Variants in SNX29 observed in about 807,000 individuals in gnomAD.
SNX29 encodes the protein sorting nexin-29.
A neutral mutation model predicts 102.1 loss-of-function variants in SNX29; 78 were observed. The observed-to-expected ratio is 0.76, with a 90% confidence interval of 0.64 to 0.92. SNX29 has a LOEUF of 0.92. Ranked by LOEUF, SNX29 falls within the 40% of genes least tolerant of loss-of-function variation. The pLI is 0.00. For synonymous variants in SNX29, 580 were observed against 414.5 expected (o/e 1.40, Z -4.85); for missense variants, 1,280 against 1,061.7 (o/e 1.21, Z -2.86).
rs117505105 is a variant in SNX29 at position 12,199,759 on chromosome 16, A to C, written c.1678+76A>C. 6,933 of 1,209,130 alleles carry C rather than the reference A, an allele frequency of 5.7e-3. 35 individuals carry two copies. Among genetic ancestry groups the C allele is most frequent in the Middle Eastern group, 9.0e-3 (39 of 4,312 alleles). The allele number at this position is 1,209,130 out of a possible 1,614,324, so 74.9% of individuals were successfully genotyped here. ...CACCTGTACGTGGCACGCAATAGACACTCAATGTGTGACGAGTGCATATGT... is the reference window on the plus strand; with the variant it reads ...CACCTGTACGTGGCACGCAATAGACCCTCAATGTGTGACGAGTGCATATGT... On this transcript the variant is annotated intron_variant, in intron 14 of 20. Transcript: ENST00000566228.
intron 14 of SNX29, among the ~76,000 whole-genome samples, chr16:12,265,642 A>G (rs531225502): frequency 2.2e-4 from 32 of 143,184 alleles, no homozygotes; most frequent in South Asian, 1.3e-3. Context: ...GGGTGGATCA[A>G]TTGTGCCTAG....
intron 4 of SNX29, among the ~76,000 whole-genome samples, chr16:12,031,322 T>C (rs1292875360): frequency 6.6e-6 from 1 of 151,960 alleles, no homozygotes; most frequent in East Asian, 2.0e-4. Context: ...TCCACCTGCC[T>C]CAGCCTCCCA....
Position 12,568,699 on chromosome 16 carries a change from G to C in SNX29, c.*70G>C, listed in dbSNP as rs1054300963. 4 of 1,568,034 alleles carry C rather than the reference G, an allele frequency of 2.6e-6. No individual in the cohort carries two copies. Among genetic ancestry groups the C allele is most frequent in the Admixed American group, 3.6e-5 (2 of 55,740 alleles). ...GCGTCCACCCCAGCCACTGCCGCTG[G>C]CCCCTCACCTCAGCGTGACAACCAC... On this transcript the variant is annotated 3_prime_UTR_variant, in exon 21 of 21. Coordinates refer to ENST00000566228, the MANE Select transcript of SNX29 (RefSeq NM_032167.5).
chr16:12,479,933 T>C (rs2087828409), intron 19 of SNX29, among the ~76,000 whole-genome samples: 1 of 152,136 alleles, frequency 6.6e-6, no homozygotes, highest in Non-Finnish European at 1.5e-5. Context: ...CTTAACATTG[T>C]CTGGGGTGAG....
Position 12,060,692 on chromosome 16 carries a change from G to A in SNX29, c.1125-836G>A, listed in dbSNP as rs564600347. ...AGATGTAATGCAGATACTGGGGGAC[G>A]GCTATACTGCAAAAATACCTCCAGG... On this transcript the variant is annotated intron_variant, in intron 8 of 20. Coordinates refer to ENST00000566228, the MANE Select transcript of SNX29 (RefSeq NM_032167.5). The A allele has an allele frequency of 7.0e-5, 31 of 444,424 alleles. No individual in the cohort carries two copies. In the Middle Eastern group the frequency reaches 1.7e-3, roughly 24 times the overall value. 27.5% of individuals were successfully genotyped at this position (444,424 alleles called of 1,614,324 possible).
chr16:12,266,963 G>T (rs375285733), intron 14 of SNX29, among the ~76,000 whole-genome samples: 4 of 151,830 alleles, frequency 2.6e-5, no homozygotes, highest in Non-Finnish European at 4.4e-5. Context: ...GGGTTTTACC[G>T]TGTTGGCCAG....
At chr16:12,384,962 G>A (rs1383766894) in intron 16 of SNX29, among the ~76,000 whole-genome samples, 2 of 152,200 alleles carry the variant, frequency 1.3e-5, no homozygotes, top group Admixed American at 1.3e-4. Context: ...CCTGAGGTCA[G>A]GAGTTCAAGA....
intron 13 of SNX29, among the ~76,000 whole-genome samples, chr16:12,130,693 G>C (rs1027397037): frequency 6.6e-5 from 10 of 151,950 alleles, no homozygotes; most frequent in African/African-American, 2.4e-4. Flanking sequence ...CACACAAGCA[G>C]ATAGGTGTGC....
chr16:12,426,223 C>T (rs889237012), intron 18 of SNX29, among the ~76,000 whole-genome samples: 1 of 152,258 alleles, frequency 6.6e-6, no homozygotes, highest in South Asian at 2.1e-4. Flanking sequence ...ATCTGTTTCC[C>T]ACTCATGCCA....
intron 14 of SNX29, among the ~76,000 whole-genome samples, chr16:12,258,689 G>C (rs145987012): frequency 1.6e-4 from 25 of 152,256 alleles, no homozygotes; most frequent in African/African-American, 4.3e-4. Context: ...GAATTCCAGA[G>C]CCTTCTTGGA....
chr16:12,525,544 T>C (rs974896057), intron 20 of SNX29, among the ~76,000 whole-genome samples: 1 of 151,690 alleles, frequency 6.6e-6, no homozygotes, highest in Admixed American at 6.6e-5. Context: ...GTGCAAAAAT[T>C]AGCTGGGCAT....
intron 19 of SNX29, among the ~76,000 whole-genome samples, chr16:12,501,052 G>A (rs1223530205): frequency 1.3e-5 from 2 of 152,170 alleles, no homozygotes; most frequent in Non-Finnish European, 2.9e-5. Flanking sequence ...GAAGCTCCCA[G>A]CTGCAGGCAA....
intron 19 of SNX29, among the ~76,000 whole-genome samples, chr16:12,520,332 C>T (rs955731696): frequency 6.6e-6 from 1 of 152,206 alleles, no homozygotes; most frequent in Admixed American, 6.5e-5. Context: ...TTTGGGGAAG[C>T]CTGGTGTAGA....
At chr16:12,395,616 C>G (rs1224951770) in intron 16 of SNX29, among the ~76,000 whole-genome samples, 4 of 152,126 alleles carry the variant, frequency 2.6e-5, no homozygotes, top group Non-Finnish European at 4.4e-5. Flanking sequence ...TAGAGATAGC[C>G]ATGTTGCTGA....
chr16:12,279,140 T>C (rs536860251), intron 15 of SNX29, among the ~76,000 whole-genome samples: 58 of 152,320 alleles, frequency 3.8e-4, no homozygotes, highest in African/African-American at 1.3e-3. Context: ...ACATGCTAAG[T>C]ATACAAGCAA....
intron 13 of SNX29, among the ~76,000 whole-genome samples, chr16:12,189,292 G>A (rs938773564): frequency 6.6e-6 from 1 of 152,092 alleles, no homozygotes; most frequent in Non-Finnish European, 1.5e-5. Context: ...GTCTTTTCTT[G>A]CAAAATGGTT....
intron 16 of SNX29, among the ~76,000 whole-genome samples, chr16:12,381,764 A>G (rs539623149): frequency 1.8e-3 from 131 of 73,806 alleles, no homozygotes; most frequent in African/African-American, 7.6e-3. Context: ...CCATCCATGC[A>G]CCCATCATCC....
chr16:12,105,149 A>C (rs933188279), intron 11 of SNX29, among the ~76,000 whole-genome samples: 2 of 152,154 alleles, frequency 1.3e-5, no homozygotes, highest in African/African-American at 4.8e-5. Context: ...CAGTTAACCC[A>C]AAAATGAGGC....
chr16:12,254,384 C>A (rs1335736395), intron 14 of SNX29, among the ~76,000 whole-genome samples: 1 of 152,134 alleles, frequency 6.6e-6, no homozygotes, highest in Non-Finnish European at 1.5e-5. Flanking sequence ...GGCGCAGTGG[C>A]TCACGCCTGT....
Sources: allele counts gnomAD v4.1 joint callset (sites outside exome capture counted in the v4.1 genomes callset), GRCh38; gene constraint gnomAD v4.1.1; transcripts MANE v1.5; gene names NCBI Gene and HGNC (gene_info 2026-07-23, HGNC 2026-07-21).